Variants in ZFYVE16 observed in about 807,000 individuals in gnomAD.
ZFYVE16 encodes the protein zinc finger FYVE-type containing 16.
In ZFYVE16, 89 loss-of-function variants were observed where a neutral mutation model predicts 138.1. The ratio of observed to expected loss-of-function variants is 0.64; its 90% CI spans 0.54 to 0.77. ZFYVE16 has a LOEUF of 0.77. Among genes scored for constraint, ZFYVE16 ranks in the 30% least tolerant of loss-of-function variants. The pLI, the probability that ZFYVE16 is intolerant of heterozygous loss-of-function variation, is 0.00. For synonymous variants in ZFYVE16, 596 were observed against 618.3 expected (o/e 0.96, Z 0.53); for missense variants, 1,793 against 1,786.7 (o/e 1.00, Z -0.06).
rs561530306 is a variant in ZFYVE16, at chr5:80,420,176, A to G, written c.-93-7316A>G. On this transcript the variant is annotated intron_variant, in intron 1 of 18. Coordinates refer to ENST00000505560, the MANE Select transcript of ZFYVE16 (RefSeq NM_001284236.3). ...GGCTGGAGTGCAGTGGCACAATCTC[A>G]GTTCACTGGAACTTCTGCCTCCCAG... 2.7e-5 allele frequency among the ~76,000 whole-genome samples: 4 copies of G among 150,302 alleles called. No individual in the cohort carries two copies. The South Asian group carries it at 8.5e-4, about 32-fold the overall frequency.
rs150392926 is a variant in ZFYVE16 at position 80,445,267 on chromosome 5, A to G, written c.2586A>G (p.Leu862=). 2,473 of 1,612,584 alleles carry G rather than the reference A, an allele frequency of 1.5e-3. 24 individuals carry two copies. The highest frequency in any genetic ancestry group is 0.015 in the Middle Eastern group (90 of 6,046). ...TACTTTTTCAATTGATTCTAGGACT[A>G]TGTTCCAAAGAACAGAAGAGAGTAT... The part of the protein sequence containing the change: ...SALKQPGVEG[L]CSKEQKRVWF... The change falls in exon 7 of 19, where the codon CTA becomes CTG. Residue 862 remains leucine, a synonymous_variant. Transcript: ENST00000505560.
intron 1 of ZFYVE16, among the ~76,000 whole-genome samples, chr5:80,421,552 A>C (rs1203719230): frequency 6.6e-6 from 1 of 152,314 alleles, no homozygotes; most frequent in Middle Eastern, 3.4e-3. Context: ...TAAATAGGGA[A>C]TCCTTTCCCC....
At chr5:80,468,836 T>C (rs1207427334) in intron 15 of ZFYVE16, among the ~76,000 whole-genome samples, 1 of 152,178 alleles carries the variant, frequency 6.6e-6, no homozygotes, top group African/African-American at 2.4e-5. Context: ...TAGACTTTTC[T>C]GTGTAGCTGA....
At chr5:80,423,530 A>T (rs1031739061) in intron 1 of ZFYVE16, among the ~76,000 whole-genome samples, 5 of 151,238 alleles carry the variant, frequency 3.3e-5, no homozygotes, top group African/African-American at 9.7e-5. Context: ...CTCCAATTTA[A>T]TTTTTATTTT....
rs767819901 is a variant in ZFYVE16, at chr5:80,437,666, T to G, written c.981T>G (p.Pro327=). 5 of 1,611,394 alleles carry G rather than the reference T, an allele frequency of 3.1e-6. No individual in the cohort carries two copies. In the African/African-American group the frequency reaches 6.7e-5, roughly 22 times the overall value. ...CAAGAGATGAAAATTTCAAATTACC[T>G]GACTTTTCCTTTCAGGAAGATAAGA... is the stretch of plus-strand genomic sequence containing the variant. ...SNSRDENFKL[P]DFSFQEDKTV... Residue 327 remains proline, a synonymous_variant, in exon 4 of 19, where the codon CCT becomes CCG. Coordinates refer to ENST00000505560, the MANE Select transcript of ZFYVE16 (RefSeq NM_001284236.3).
intron 2 of ZFYVE16, among the ~76,000 whole-genome samples, chr5:80,429,168 T>C (rs1748600595): frequency 6.6e-6 from 1 of 152,080 alleles, no homozygotes; most frequent in East Asian, 1.9e-4. Context: ...TTCACCAAAA[T>C]TGAAATGAAG....
chr5:80,435,217 TAG>T (rs1749711642), intron 3 of ZFYVE16, among the ~76,000 whole-genome samples: 1 of 152,138 alleles, frequency 6.6e-6, no homozygotes, highest in Admixed American at 6.5e-5. Context: ...GTATTTTTAG[TAG>T]AAACGGGGTT....
At chr5:80,460,999 C>G (rs1412397818) in intron 15 of ZFYVE16, among the ~76,000 whole-genome samples, 1 of 152,086 alleles carries the variant, frequency 6.6e-6, no homozygotes, top group Non-Finnish European at 1.5e-5. Context: ...TTCACAAATA[C>G]TATATTTTTA....
At chr5:80,439,032 CT>C (rs987266205) in intron 4 of ZFYVE16, 25 bp downstream of exon 4, 27 of 1,570,356 alleles carry the variant, frequency 1.7e-5, no homozygotes, top group Non-Finnish European at 2.2e-5. Context: ...TCTTTTAAGT[CT>C]TTTGTTCTTT....
intron 2 of ZFYVE16, 58 bp from the exon 3 acceptor site, chr5:80,434,051 A>G (rs573856632): frequency 2.7e-5 from 31 of 1,147,820 alleles, no homozygotes; most frequent in Non-Finnish European, 3.9e-5. Flanking sequence ...CATGGAATAC[A>G]TGGCATAAAA....
At chr5:80,427,981 A>AAAAAAC in intron 2 of ZFYVE16, among the ~76,000 whole-genome samples, 1 of 149,750 alleles carries the variant, frequency 6.7e-6, no homozygotes, top group Non-Finnish European at 1.5e-5. Flanking sequence ...CAAAAAAAAA[A>AAAAAAC]AAAAAAAAAA....
At chr5:80,456,829 G>C (rs950071700) in intron 13 of ZFYVE16, 116 bp from the exon 14 acceptor site, 6 of 1,223,670 alleles carry the variant, frequency 4.9e-6, no homozygotes, top group Non-Finnish European at 6.7e-6. Context: ...TTCCCAGGGA[G>C]CTGTCCAGAC....
At chr5:80,433,961 T>A in intron 2 of ZFYVE16, 148 bp from the exon 3 acceptor site, 1 of 495,996 alleles carries the variant, frequency 2.0e-6, no homozygotes, top group Non-Finnish European at 3.5e-6. Context: ...AGGGGCAGTT[T>A]CCCCAACTAA....
intron 1 of ZFYVE16, among the ~76,000 whole-genome samples, chr5:80,419,065 G>GTT (rs112502550): frequency 0.01 from 1,414 of 139,350 alleles, 25 homozygotes; most frequent in African/African-American, 0.034. Context: ...ATCGGTGTGG[G>GTT]TTTTTTTTTT....
In ZFYVE16 at chr5:80,413,612, G is replaced by C. The variant is rs116226473; in HGVS notation, c.-94+5459G>C. On this transcript the variant is annotated intron_variant, in intron 1 of 18. Transcript: ENST00000505560. Reference sequence around the variant, plus strand: ...AATCACTGAACAAGAAAAATGATTTGAGCAACTATTTTCTTAATTCTCCCA... The same window carrying C: ...AATCACTGAACAAGAAAAATGATTTCAGCAACTATTTTCTTAATTCTCCCA... 6.8e-3 allele frequency among the ~76,000 whole-genome samples: 1,038 copies of C among 152,140 alleles called. 10 individuals are homozygous for C. Among genetic ancestry groups the C allele is most frequent in the African/African-American group, 0.024 (999 of 41,510 alleles).
intron 15 of ZFYVE16, among the ~76,000 whole-genome samples, chr5:80,463,354 G>A (rs1026101065): frequency 3.3e-5 from 5 of 152,144 alleles, no homozygotes; most frequent in African/African-American, 1.2e-4. Context: ...AAAGCTTGGG[G>A]CATGCACCCT....
At chr5:80,434,543 C>G (rs1426689536) in intron 3 of ZFYVE16, among the ~76,000 whole-genome samples, 2 of 151,568 alleles carry the variant, frequency 1.3e-5, no homozygotes, top group Non-Finnish European at 2.9e-5. Context: ...GTGGCACAAT[C>G]AGAGCTCATT....
chr5:80,481,091 G>C lies in ZFYVE16; in HGVS notation c.*3714G>C, dbSNP rs189980313. 2.6e-5 allele frequency among the ~76,000 whole-genome samples: 4 copies of C among 152,172 alleles called. 1 individual carries two copies. Among genetic ancestry groups the C allele is most frequent in the Admixed American group, 2.6e-4 (4 of 15,274 alleles). On this transcript the variant is annotated 3_prime_UTR_variant, in exon 19 of 19. Coordinates refer to ENST00000505560, the MANE Select transcript of ZFYVE16 (RefSeq NM_001284236.3). ...GAGAGCCTCAGGAAAGATGCAGTAA[G>C]ACCCACCGCCCCACCAGGAGAACCA...
intron 3 of ZFYVE16, 84 bp from the exon 4 acceptor site, chr5:80,436,667 ATTTAG>A: frequency 8.5e-7 from 1 of 1,170,104 alleles, no homozygotes; most frequent in Admixed American, 2.6e-5. Context: ...AAAAAAGTGT[ATTTAG>A]TTTAGAAGTC....
Sources: allele counts gnomAD v4.1 joint callset (sites outside exome capture counted in the v4.1 genomes callset), GRCh38; gene constraint gnomAD v4.1.1; transcripts MANE v1.5; gene names NCBI Gene and HGNC (gene_info 2026-07-23, HGNC 2026-07-21).